Variants in EHHADH observed in about 807,000 individuals in gnomAD.
EHHADH encodes the protein peroxisomal bifunctional enzyme.
EHHADH carries 48 observed loss-of-function variants against 64.4 expected under a neutral mutation model. The ratio of observed to expected loss-of-function variants is 0.75; its 90% CI spans 0.59 to 0.95. The LOEUF (loss-of-function observed/expected upper bound fraction) is 0.95. EHHADH is among the 40% of genes least tolerant of loss of function. EHHADH has a pLI of 0.00. For synonymous variants in EHHADH, 308 were observed against 326.7 expected, an observed-to-expected ratio of 0.94 and a Z score of 0.62; for missense variants, 854 against 876.6, an observed-to-expected ratio of 0.97 and a Z score of 0.33.
At chr3:185,221,870 G>A (rs188857861) in intron 4 of EHHADH, among the ~76,000 whole-genome samples, 5 of 151,642 alleles carry the variant, frequency 3.3e-5, no homozygotes, top group Non-Finnish European at 7.4e-5. Context: ...CACCGTGCCC[G>A]GCCCGCCTCA....
chr3:185,209,349 T>C (rs912629287), intron 5 of EHHADH, among the ~76,000 whole-genome samples: 1 of 152,236 alleles, frequency 6.6e-6, no homozygotes, highest in African/African-American at 2.4e-5. Flanking sequence ...CTTATGGTAC[T>C]ATTTTAAAAA....
At chr3:185,230,296 G>C (rs983870159) in intron 3 of EHHADH, among the ~76,000 whole-genome samples, 2 of 152,150 alleles carry the variant, frequency 1.3e-5, no homozygotes, top group African/African-American at 4.8e-5. Context: ...GTTACCATAT[G>C]ACCCATCAAA....
chr3:185,204,998 AG>A, intron 5 of EHHADH, among the ~76,000 whole-genome samples: 1 of 152,172 alleles, frequency 6.6e-6, no homozygotes, highest in East Asian at 1.9e-4. Flanking sequence ...TAGGCATAAA[AG>A]TTGTATTTTC....
rs566169180 is a variant in EHHADH, at chr3:185,222,160, A to C, written c.464-3920T>G. 5.9e-5 allele frequency among the ~76,000 whole-genome samples: 9 copies of C among 152,086 alleles called. No individual in the cohort carries two copies. In the South Asian group the frequency reaches 1.9e-3, roughly 32 times the overall value. On this transcript the variant is annotated intron_variant, in intron 4 of 6. Coordinates refer to ENST00000231887, the MANE Select transcript of EHHADH (RefSeq NM_001966.4). ...TTTGGGAGGCCAAGGCAGGAGGATC[A>C]CCTGAGGTCAGGAGTTTGAGACCAG...
Position 185,253,930 on chromosome 3 carries a change from A to C in EHHADH, c.74+19T>G, listed in dbSNP as rs749486189. 36 of 1,613,884 alleles carry C rather than the reference A, an allele frequency of 2.2e-5. No homozygotes were observed. Among genetic ancestry groups the C allele is most frequent in the Non-Finnish European group, 3.0e-5 (35 of 1,179,884 alleles). ...AAGGCCCGCACGGTCCCCGGGCTGG[A>C]GGCGACCGAGCCCGTTACCTGATCG... On this transcript the variant is annotated intron_variant, in intron 1 of 6. Transcript: ENST00000231887.
At chr3:185,194,827 A>AAAAAAAAAAAAAAAAAAAAC (rs1287145409) in intron 6 of EHHADH, among the ~76,000 whole-genome samples, 3 of 145,604 alleles carry the variant, frequency 2.1e-5, no homozygotes, top group Non-Finnish European at 4.5e-5. Flanking sequence ...AAAAAAAAAA[A>AAAAAAAAAAAAAAAAAAAAC]AGAAGCCTAT....
chr3:185,238,606 A>G (rs1719366655), intron 2 of EHHADH, among the ~76,000 whole-genome samples: 1 of 152,230 alleles, frequency 6.6e-6, no homozygotes, highest in Non-Finnish European at 1.5e-5. Context: ...TTTTAAGTAT[A>G]TATAACCAAA....
chr3:185,215,321 T>C (rs570163795), intron 5 of EHHADH, among the ~76,000 whole-genome samples: 1 of 152,042 alleles, frequency 6.6e-6, no homozygotes, highest in Non-Finnish European at 1.5e-5. Flanking sequence ...GGAATACAAG[T>C]CAATAAAAAG....
intron 5 of EHHADH, among the ~76,000 whole-genome samples, chr3:185,212,733 G>C (rs1718576487): frequency 6.6e-6 from 1 of 152,124 alleles, no homozygotes. Context: ...AAAGTGTATA[G>C]TTCAGTGTTT....
At chr3:185,251,606 A>T (rs1222963349) in intron 1 of EHHADH, among the ~76,000 whole-genome samples, 1 of 71,776 alleles carries the variant, frequency 1.4e-5, no homozygotes, top group Non-Finnish European at 2.9e-5. Context: ...GAAAAAATTT[A>T]TATGTGTGTG....
intron 5 of EHHADH, 40 bp from the exon 6 acceptor site, chr3:185,204,797 C>G (rs940371902): frequency 6.6e-7 from 1 of 1,503,898 alleles, no homozygotes; most frequent in Non-Finnish European, 9.0e-7. Context: ...GGAAATGTTA[C>G]TTGTACAAAG....
chr3:185,197,276 T>G (rs868685445), intron 6 of EHHADH, among the ~76,000 whole-genome samples: 23 of 152,232 alleles, frequency 1.5e-4, no homozygotes, highest in Non-Finnish European at 3.2e-4. Flanking sequence ...ATATGCTTAC[T>G]ATGCATTTTC....
chr3:185,198,107 A>G (rs1324412616), intron 6 of EHHADH, among the ~76,000 whole-genome samples: 2 of 150,896 alleles, frequency 1.3e-5, no homozygotes, highest in Non-Finnish European at 3.0e-5. Context: ...CCTGCTTTCA[A>G]TTCTTTGGGG....
chr3:185,227,532 CA>C (rs936238911), intron 4 of EHHADH, among the ~76,000 whole-genome samples: 1 of 145,116 alleles, frequency 6.9e-6, no homozygotes. Flanking sequence ...AACTCGGTCT[CA>C]AAAAAAAATA....
At chr3:185,236,864 C>T (rs1719309758) in intron 2 of EHHADH, among the ~76,000 whole-genome samples, 1 of 152,260 alleles carries the variant, frequency 6.6e-6, no homozygotes, top group South Asian at 2.1e-4. Context: ...TGGATAAATG[C>T]ATCAAGCACT....
chr3:185,240,268 T>C (rs1384388422), intron 2 of EHHADH, among the ~76,000 whole-genome samples: 1 of 151,172 alleles, frequency 6.6e-6, no homozygotes, highest in African/African-American at 2.4e-5. Flanking sequence ...GGTATCAAGG[T>C]GGTACTGCTT....
chr3:185,235,173 C>T, intron 3 of EHHADH, 117 bp downstream of exon 3: 1 of 1,023,164 alleles, frequency 9.8e-7, no homozygotes, highest in East Asian at 2.8e-5. Context: ...GAGTGAGACT[C>T]CATCTCAAAA....
In EHHADH at chr3:185,216,375, C is replaced by T. The variant is rs1718680573; in HGVS notation, c.568+1761G>A. 6.6e-6 allele frequency among the ~76,000 whole-genome samples: 1 copy of T among 152,182 alleles called. No homozygotes were observed. The highest frequency in any genetic ancestry group is 6.5e-5 in the Admixed American group (1 of 15,288). On this transcript the variant is annotated intron_variant, in intron 5 of 6. Coordinates refer to ENST00000231887, the MANE Select transcript of EHHADH (RefSeq NM_001966.4). This position sits in a 1 kb window ranked among gnomAD's most constrained non-coding sequence, Gnocchi z 5.3. ...AAACTACAGATGTGAATGACAGACA[C>T]GGGTCTACCTTTAGCAAACCAAAGA...
intron 1 of EHHADH, among the ~76,000 whole-genome samples, chr3:185,252,661 G>C (rs1719781985): frequency 1.3e-5 from 2 of 152,010 alleles, no homozygotes; most frequent in South Asian, 4.1e-4. Flanking sequence ...TGTGATTTTA[G>C]TCCTGCATTT....
Sources: gnomAD v4.1 joint callset for allele counts (sites outside exome capture counted in the v4.1 genomes callset) on GRCh38, gnomAD v4.1.1 for gene constraint, Gnocchi (gnomAD v3.1) non-coding constraint, MANE v1.5 for transcripts, NCBI Gene and HGNC (gene_info 2026-07-23, HGNC 2026-07-21) for gene names.